Variants in PLCXD3 observed in about 807,000 individuals in gnomAD.
The protein encoded by PLCXD3 is phosphatidylinositol specific phospholipase C X domain containing 3.
PLCXD3 carries 19 observed loss-of-function variants against 25.5 expected under a neutral mutation model. The ratio of observed to expected loss-of-function variants is 0.75; its 90% CI spans 0.52 to 1.09. The LOEUF is 1.09. PLCXD3 is among the 50% of genes least tolerant of loss of function. The probability of loss-of-function intolerance (pLI) is 0.00; values close to 1 mark genes in which losing one functional copy is unlikely to be tolerated. For synonymous variants in PLCXD3, 174 were observed against 137.6 expected (o/e 1.26, Z -1.85); for missense variants, 411 against 388.1 (o/e 1.06, Z -0.50).
At chr5:41,492,640 A>G (rs572859773) in intron 1 of PLCXD3, among the ~76,000 whole-genome samples, 71 of 152,164 alleles carry the variant, frequency 4.7e-4, no homozygotes, top group African/African-American at 1.7e-3. Context: ...GTTTCTTTTT[A>G]TTCTTTTTTT....
chr5:41,404,975 T>A (rs926203169), intron 1 of PLCXD3, among the ~76,000 whole-genome samples: 1 of 152,188 alleles, frequency 6.6e-6, no homozygotes, highest in Non-Finnish European at 1.5e-5. Context: ...GGCAGAGCAC[T>A]GAGCTTGCTT....
chr5:41,351,189 A>C (rs561845467), intron 2 of PLCXD3, among the ~76,000 whole-genome samples: 1 of 152,312 alleles, frequency 6.6e-6, no homozygotes, highest in African/African-American at 2.4e-5. Context: ...TAAGAAAACA[A>C]ACAATCAGGG....
chr5:41,389,112 A>T (rs572104655), intron 1 of PLCXD3, among the ~76,000 whole-genome samples: 71 of 152,076 alleles, frequency 4.7e-4, no homozygotes, highest in Middle Eastern at 6.8e-3. Flanking sequence ...ATTAGACTGG[A>T]GGAACTAAGT....
At chr5:41,449,710 C>A (rs546036425) in intron 1 of PLCXD3, among the ~76,000 whole-genome samples, 2 of 152,198 alleles carry the variant, frequency 1.3e-5, no homozygotes, top group Admixed American at 1.3e-4. Context: ...TCAGAGTTAT[C>A]TCACCTGGAG....
intron 2 of PLCXD3, among the ~76,000 whole-genome samples, chr5:41,325,666 C>T (rs1188320812): frequency 6.6e-6 from 1 of 152,048 alleles, no homozygotes; most frequent in Non-Finnish European, 1.5e-5. Flanking sequence ...GCTGGTTATA[C>T]TTGGTGTTGG....
intron 1 of PLCXD3, among the ~76,000 whole-genome samples, chr5:41,417,405 C>A (rs961469843): frequency 9.9e-5 from 15 of 152,050 alleles, no homozygotes; most frequent in Admixed American, 9.8e-4. Context: ...GAACTAGGAG[C>A]CAGAAGCAGA....
At chr5:41,446,256 A>T (rs1747501577) in intron 1 of PLCXD3, among the ~76,000 whole-genome samples, 1 of 142,198 alleles carries the variant, frequency 7.0e-6, no homozygotes. Context: ...GCAGATAAGG[A>T]GTATTGTTGC....
chr5:41,345,875 TC>T (rs1744287126), intron 2 of PLCXD3, among the ~76,000 whole-genome samples: 1 of 132,072 alleles, frequency 7.6e-6, no homozygotes, highest in African/African-American at 3.2e-5. Flanking sequence ...TTTTTTCTTT[TC>T]TTTTTTTTAT....
chr5:41,377,750 G>T (rs1435322206), intron 2 of PLCXD3, among the ~76,000 whole-genome samples: 1 of 152,018 alleles, frequency 6.6e-6, no homozygotes, highest in African/African-American at 2.4e-5. Flanking sequence ...AACTTCAAAC[G>T]CTGTTTTCTA....
At chr5:41,403,786 T>G (rs1234447637) in intron 1 of PLCXD3, among the ~76,000 whole-genome samples, 1 of 145,772 alleles carries the variant, frequency 6.9e-6, no homozygotes, top group African/African-American at 2.6e-5. Flanking sequence ...TGCCACATTT[T>G]CTTAATCCAG....
Position 41,313,618 on chromosome 5 carries a change from C to G in PLCXD3, c.965G>C (p.Ter322SerextTer1), listed in dbSNP as rs1432095873. ...YVFDEGEANT[*>S] ...TCATGGAAACTCCAAGTAGTGCTAT[C>G]AAGTGTTGGCTTCTCCTTCATCAAA... The change falls in exon 3 of 3, where the codon TGA becomes TCA. Residue 322 changes from the stop codon to serine (S), a stop_lost. Coordinates refer to ENST00000377801, the MANE Select transcript of PLCXD3 (RefSeq NM_001005473.3). 5 of 1,613,604 alleles carry G rather than the reference C, an allele frequency of 3.1e-6. No individual in the cohort carries two copies. Among genetic ancestry groups the G allele is most frequent in the Non-Finnish European group, 4.2e-6 (5 of 1,179,740 alleles).
intron 1 of PLCXD3, among the ~76,000 whole-genome samples, chr5:41,489,948 C>T (rs930094089): frequency 1.4e-4 from 22 of 151,878 alleles, no homozygotes; most frequent in African/African-American, 5.3e-4. Flanking sequence ...CCTAATTGCC[C>T]TGGCCAGAAC....
intron 1 of PLCXD3, among the ~76,000 whole-genome samples, chr5:41,429,115 T>G (rs1363750223): frequency 6.6e-6 from 1 of 151,794 alleles, no homozygotes; most frequent in Non-Finnish European, 1.5e-5. Context: ...AAAGGAGAAA[T>G]CACCCATCCT....
chr5:41,422,939 T>C (rs938217540), intron 1 of PLCXD3, among the ~76,000 whole-genome samples: 8 of 152,162 alleles, frequency 5.3e-5, no homozygotes, highest in Non-Finnish European at 1.0e-4. Flanking sequence ...GTTAGGTAGT[T>C]GATAGATATA....
rs1744191799 is a variant in PLCXD3 at position 41,342,878 on chromosome 5, C to CT, written c.813-29109dup. 3.3e-5 allele frequency among the ~76,000 whole-genome samples: 5 copies of CT among 152,000 alleles called. No homozygotes were observed. The South Asian group carries it at 1.0e-3, about 31-fold the overall frequency. On this transcript the variant is annotated intron_variant, in intron 2 of 2. Transcript: ENST00000377801. The stretch of plus-strand genomic sequence containing the variant: ...TGAAAAATATAAACAATGATGCCTC[C>CT]TTTTTTGTGGTGGGGATAGGCCTTG...
intron 2 of PLCXD3, among the ~76,000 whole-genome samples, chr5:41,332,762 C>T (rs529420187): frequency 6.6e-6 from 1 of 152,140 alleles, no homozygotes; most frequent in African/African-American, 2.4e-5. Flanking sequence ...TACTATACAG[C>T]CATAAAAAAT....
chr5:41,429,024 G>A (rs1280101287), intron 1 of PLCXD3, among the ~76,000 whole-genome samples: 1 of 152,110 alleles, frequency 6.6e-6, no homozygotes, highest in African/African-American at 2.4e-5. Flanking sequence ...TTGAAGACGT[G>A]TTGCTTCCTG....
intron 1 of PLCXD3, among the ~76,000 whole-genome samples, chr5:41,437,882 A>C (rs559343987): frequency 6.6e-6 from 1 of 152,210 alleles, no homozygotes; most frequent in Non-Finnish European, 1.5e-5. Context: ...ACTACTGTCC[A>C]TCAACATGTG....
chr5:41,502,974 G>C (rs1365938433), intron 1 of PLCXD3, among the ~76,000 whole-genome samples: 1 of 152,116 alleles, frequency 6.6e-6, no homozygotes. Flanking sequence ...TACATCCCCT[G>C]ACAACCTTTC....
Sources: gnomAD v4.1 joint callset for allele counts (sites outside exome capture counted in the v4.1 genomes callset) on GRCh38, gnomAD v4.1.1 for gene constraint, MANE v1.5 for transcripts, NCBI Gene and HGNC (gene_info 2026-07-23, HGNC 2026-07-21) for gene names.